LRRC9: variants seen among roughly 807,000 people sequenced by gnomAD.
LRRC9 encodes the protein leucine-rich repeat-containing protein 9.
In LRRC9, 122 loss-of-function variants were observed where a neutral mutation model predicts 63.2. The ratio of observed to expected loss-of-function variants is 1.93; its 90% CI spans 1.67 to 2.24. The LOEUF (loss-of-function observed/expected upper bound fraction) is 2.24, where lower values mean the gene tolerates loss of function less well. Ranked by LOEUF, LRRC9 falls within the 30% of genes most tolerant of loss-of-function variation. The pLI, the probability that LRRC9 is intolerant of heterozygous loss-of-function variation, is 0.00. For synonymous variants in LRRC9, 366 were observed against 213.1 expected (o/e 1.72, Z -6.25); for missense variants, 1,071 against 627.7 (o/e 1.71, Z -7.55).
chr14:60,056,022 C>T, intron 30 of LRRC9, among the ~76,000 whole-genome samples: 1 of 152,112 alleles, frequency 6.6e-6, no homozygotes, highest in Non-Finnish European at 1.5e-5. Flanking sequence ...GCTCATGGCT[C>T]TCATCCAGTA....
At chr14:60,024,426 G>A (rs887450911) in intron 27 of LRRC9, among the ~76,000 whole-genome samples, 1 of 151,964 alleles carries the variant, frequency 6.6e-6, no homozygotes, top group African/African-American at 2.4e-5. Context: ...AAAAACACAG[G>A]GCTTGGGACA....
rs1207827738 is a variant in LRRC9 at position 60,042,143 on chromosome 14, G to T, written c.3990+10080G>T. On this transcript the variant is annotated intron_variant, in intron 29 of 31. Coordinates refer to ENST00000445360, the Ensembl canonical transcript of LRRC9. This position sits in a 1 kb window ranked among gnomAD's most constrained non-coding sequence, Gnocchi z 4.2. The stretch of plus-strand genomic sequence containing the variant: ...CTCAGAGGGGCACCCAGCTGTATGA[G>T]GTGTCAGTCAGCCCCTACTGGGACG... Among the ~76,000 whole-genome samples, 1 of 152,210 alleles carries T rather than the reference G, an allele frequency of 6.6e-6. No homozygotes were observed. Among genetic ancestry groups the T allele is most frequent in the African/African-American group, 2.4e-5 (1 of 41,438 alleles).
At chr14:59,972,896 C>A (rs985195137) in intron 12 of LRRC9, among the ~76,000 whole-genome samples, 1 of 152,050 alleles carries the variant, frequency 6.6e-6, no homozygotes. Context: ...GTTAATCCTG[C>A]AAATTGGTTA....
chr14:59,985,733 C>G (rs1349594671), intron 17 of LRRC9, among the ~76,000 whole-genome samples: 1 of 151,996 alleles, frequency 6.6e-6, no homozygotes, highest in Non-Finnish European at 1.5e-5. Context: ...TCATATCTAC[C>G]ATTTACAAGA....
At chr14:60,028,694 T>C (rs2140317199) in intron 28 of LRRC9, among the ~76,000 whole-genome samples, 1 of 152,242 alleles carries the variant, frequency 6.6e-6, no homozygotes, top group African/African-American at 2.4e-5. Flanking sequence ...GCCCTCACAT[T>C]TCTCTTAGCA....
intron 31 of LRRC9, among the ~76,000 whole-genome samples, chr14:60,062,769 C>T (rs1894733026): frequency 6.6e-6 from 1 of 152,198 alleles, no homozygotes; most frequent in South Asian, 2.1e-4. Flanking sequence ...CCCCATCTTC[C>T]TGGCATCCCT....
chr14:60,018,560 T>G (rs1384642881), intron 25 of LRRC9, 81 bp downstream of exon 25: 1 of 569,878 alleles, frequency 1.8e-6, no homozygotes, highest in Non-Finnish European at 3.1e-6. Flanking sequence ...GGTATTTCCA[T>G]GTTATTAAAG....
In LRRC9 at chr14:59,934,282, T is replaced by C. The variant is rs139416590; in HGVS notation, c.543+2243T>C. On this transcript the variant is annotated intron_variant, in intron 6 of 31. Coordinates refer to ENST00000445360, the Ensembl canonical transcript of LRRC9. Reference sequence around the variant, plus strand: ...GTCCAAAATGAATCCGTGATTACAGTTCTTAGCAAGCTCAAAAAATACACA... The same window carrying C: ...GTCCAAAATGAATCCGTGATTACAGCTCTTAGCAAGCTCAAAAAATACACA... Among the ~76,000 whole-genome samples, 153 of 152,148 alleles carry C rather than the reference T, an allele frequency of 1.0e-3. 1 individual carries two copies. The highest frequency in any genetic ancestry group is 3.6e-3 in the African/African-American group (151 of 41,526).
chr14:59,991,331 C>A (rs757086136), intron 17 of LRRC9, among the ~76,000 whole-genome samples: 3 of 151,978 alleles, frequency 2.0e-5, no homozygotes, highest in African/African-American at 4.8e-5. Context: ...GTAAATGTAT[C>A]GGGGCAGAGC....
At chr14:60,011,569 G>T (rs909212205) in intron 23 of LRRC9, among the ~76,000 whole-genome samples, 3 of 152,100 alleles carry the variant, frequency 2.0e-5, no homozygotes, top group African/African-American at 7.2e-5. Flanking sequence ...CACTATGTAT[G>T]GTTTGCATTT....
exon 31 of LRRC9, chr14:60,057,980 C>A: frequency 1.5e-6 from 1 of 671,856 alleles, no homozygotes. Flanking sequence ...TGGATTCAGC[C>A]ATTACTTGGG....
exon 19 of LRRC9, chr14:59,999,142 T>C: frequency 2.9e-6 from 2 of 701,018 alleles, no homozygotes. Context: ...GATTAAAGAC[T>C]CTTACCCATT....
chr14:59,978,988 C>G (rs1302951604), intron 15 of LRRC9, among the ~76,000 whole-genome samples: 1 of 152,126 alleles, frequency 6.6e-6, no homozygotes, highest in Middle Eastern at 3.2e-3. Context: ...ATATTTTATT[C>G]TTTCATATGC....
chr14:60,061,227 A>T (rs1165302706), intron 31 of LRRC9, among the ~76,000 whole-genome samples: 1 of 152,218 alleles, frequency 6.6e-6, no homozygotes. Context: ...ATCAAACATC[A>T]TGTTGTACAC....
At chr14:59,954,956 G>C (rs563954851) in intron 8 of LRRC9, among the ~76,000 whole-genome samples, 11 of 152,180 alleles carry the variant, frequency 7.2e-5, no homozygotes, top group Non-Finnish European at 1.3e-4. Flanking sequence ...GTATTGATTT[G>C]CTTATGTTGA....
At position 59,936,773 on chromosome 14, in the gene LRRC9, C is replaced by T. The variant is rs1200858857; in HGVS notation, c.544-1617C>T. ...AGCCTCAGGTCAGACCAGTGAGCCA[C>T]ATTCTCACTTGTCCAGAGAGAGTTT... On this transcript the variant is annotated intron_variant, in intron 6 of 31. Coordinates refer to ENST00000445360, the Ensembl canonical transcript of LRRC9. This position sits in a 1 kb window ranked among gnomAD's most constrained non-coding sequence, Gnocchi z 4.2. 6.6e-6 allele frequency among the ~76,000 whole-genome samples: 1 copy of T among 152,226 alleles called. No individual in the cohort carries two copies. The highest frequency in any genetic ancestry group is 1.9e-4 in the East Asian group (1 of 5,204).
At position 59,938,656 on chromosome 14, in the gene LRRC9, T is replaced by A; in HGVS notation, c.726+84T>A. On this transcript the variant is annotated intron_variant, in intron 7 of 31. Transcript: ENST00000445360. The surrounding 1 kb of genome is among the most constrained non-coding windows in gnomAD (Gnocchi z 4.2). ...TCTGGCCATGTCCACATACGGTAGGTAGGATTATCAGTTCAGTTCTTGTTG... is the reference window on the plus strand; with the variant it reads ...TCTGGCCATGTCCACATACGGTAGGAAGGATTATCAGTTCAGTTCTTGTTG... 1 of 563,292 alleles carries A rather than the reference T, an allele frequency of 1.8e-6. No homozygotes were observed. The highest frequency in any genetic ancestry group is 3.1e-6 in the Non-Finnish European group (1 of 320,302). The allele number at this position is 563,292 out of a possible 1,614,324, so 34.9% of individuals were successfully genotyped here.
At chr14:60,009,703 G>A (rs970764692) in intron 23 of LRRC9, among the ~76,000 whole-genome samples, 1 of 152,166 alleles carries the variant, frequency 6.6e-6, no homozygotes, top group African/African-American at 2.4e-5. Context: ...GCTGAGACAA[G>A]TCAAGTCCCT....
At chr14:60,045,211 G>C (rs563807547) in intron 29 of LRRC9, among the ~76,000 whole-genome samples, 1 of 151,982 alleles carries the variant, frequency 6.6e-6, no homozygotes, top group Non-Finnish European at 1.5e-5. Context: ...TAGGTGAAAT[G>C]AGTTTCTTGA....
Sources: allele counts gnomAD v4.1 joint callset (sites outside exome capture counted in the v4.1 genomes callset), GRCh38; gene constraint gnomAD v4.1.1; non-coding constraint Gnocchi (gnomAD v3.1); transcripts MANE v1.5; gene names NCBI Gene and HGNC (gene_info 2026-07-23, HGNC 2026-07-21).